EMILIN2: variants seen among roughly 807,000 people sequenced by gnomAD.
EMILIN2 encodes elastin microfibril interfacer 2.
In EMILIN2, 71 loss-of-function variants were observed where a neutral mutation model predicts 87.1. That is an observed-to-expected ratio of 0.82 (90% CI 0.67 to 0.99). The LOEUF (loss-of-function observed/expected upper bound fraction) is 0.99, where lower values mean the gene tolerates loss of function less well. EMILIN2 is among the 50% of genes least tolerant of loss of function. The probability of loss-of-function intolerance (pLI) is 0.00; values close to 1 mark genes in which losing one functional copy is unlikely to be tolerated. For missense variants in EMILIN2, 1,407 were observed against 1,371.8 expected (o/e 1.03, Z -0.40); for synonymous variants, 581 against 563.4 (o/e 1.03, Z -0.44).
chr18:2,868,261 C>T (rs1338583909), intron 2 of EMILIN2, among the ~76,000 whole-genome samples: 2 of 151,994 alleles, frequency 1.3e-5, no homozygotes, highest in South Asian at 2.1e-4. Context: ...CAGAGACGCT[C>T]CTCACTTCCT....
At chr18:2,878,629 A>G (rs2076761759) in intron 2 of EMILIN2, among the ~76,000 whole-genome samples, 1 of 152,204 alleles carries the variant, frequency 6.6e-6, no homozygotes, top group Non-Finnish European at 1.5e-5. Flanking sequence ...AACCCAACCC[A>G]GTCTGCCCTG....
chr18:2,849,491 T>G (rs934636213), intron 2 of EMILIN2, among the ~76,000 whole-genome samples: 3 of 152,184 alleles, frequency 2.0e-5, no homozygotes, highest in Admixed American at 6.5e-5. Flanking sequence ...AAAGGATGAT[T>G]TAATTGTTCT....
At chr18:2,873,797 A>G (rs1568463431) in intron 2 of EMILIN2, among the ~76,000 whole-genome samples, 1 of 152,188 alleles carries the variant, frequency 6.6e-6, no homozygotes, top group Non-Finnish European at 1.5e-5. Flanking sequence ...AAAAGTCTAT[A>G]TATGTGTCTC....
chr18:2,909,032 C>G, intron 6 of EMILIN2, 57 bp downstream of exon 6: 1 of 1,597,194 alleles, frequency 6.3e-7, no homozygotes, highest in Non-Finnish European at 8.6e-7. Flanking sequence ...GGCCTCTGCC[C>G]CTCCTCTGCA....
intron 2 of EMILIN2, among the ~76,000 whole-genome samples, chr18:2,871,947 G>T (rs1449103371): frequency 6.6e-6 from 1 of 151,950 alleles, no homozygotes; most frequent in Non-Finnish European, 1.5e-5. Flanking sequence ...TCAATGTCTG[G>T]GGGGCAAAAG....
chr18:2,867,938 C>A (rs370621062), intron 2 of EMILIN2, among the ~76,000 whole-genome samples: 3 of 151,582 alleles, frequency 2.0e-5, no homozygotes, highest in Middle Eastern at 3.4e-3. Context: ...CGGGCAGAGG[C>A]GCCCCTCACC....
chr18:2,860,818 C>A (rs1283509807), intron 2 of EMILIN2, among the ~76,000 whole-genome samples: 1 of 152,228 alleles, frequency 6.6e-6, no homozygotes, highest in Non-Finnish European at 1.5e-5. Context: ...GCCACACTGA[C>A]TTCCACAATG....
upstream of EMILIN2, chr18:2,846,812 G>T (rs2076576124): frequency 4.6e-5 from 45 of 985,308 alleles, no homozygotes; most frequent in South Asian, 1.7e-3. This position sits in a 1 kb window ranked among gnomAD's most constrained non-coding sequence, Gnocchi z 5.3. Flanking sequence ...ATGCTGTAAC[G>T]TAGACCCTTA....
chr18:2,903,261 G>A (rs1312181378), intron 4 of EMILIN2, among the ~76,000 whole-genome samples: 7 of 152,140 alleles, frequency 4.6e-5, no homozygotes, highest in African/African-American at 1.7e-4. Flanking sequence ...GTCCAGAGAG[G>A]AGGAAAGAAA....
At chr18:2,862,364 G>A (rs1423789290) in intron 2 of EMILIN2, among the ~76,000 whole-genome samples, 1 of 152,204 alleles carries the variant, frequency 6.6e-6, no homozygotes, top group Non-Finnish European at 1.5e-5. Context: ...GATATTTGCT[G>A]TGGGTTTGTC....
Position 2,847,998 on chromosome 18 carries a change from TG to T in EMILIN2, c.257+68del. ...CGGGGCGGTGGGGGTGGGGTGGGGT[TG>T]CTGCGCTGGGCTCCAGTCCCTCCGG... On this transcript the variant is annotated intron_variant, in intron 2 of 7. Transcript: ENST00000254528. The surrounding 1 kb of genome is among the most constrained non-coding windows in gnomAD (Gnocchi z 4.5). 1.3e-6 allele frequency: 2 copies of T among 1,483,574 alleles called. No individual in the cohort carries two copies. The highest frequency in any genetic ancestry group is 1.8e-6 in the Non-Finnish European group (2 of 1,114,470). The allele number at this position is 1,483,574 out of a possible 1,614,324, so 91.9% of individuals were successfully genotyped here.
In EMILIN2 at chr18:2,915,523, CTT is replaced by C. The variant is rs11334875; in HGVS notation, c.*2132_*2133del. The C allele has an allele frequency of 5.0e-4, 74 of 146,594 alleles. No homozygotes were observed. The highest frequency in any genetic ancestry group is 5.0e-4 in the Non-Finnish European group (33 of 66,384). The allele number at this position is 146,594 out of a possible 1,614,324, so 9.1% of individuals were successfully genotyped here. A position where few individuals can be genotyped will look rare whatever the true frequency, so the allele number is the denominator to read the frequency against. On this transcript the variant is annotated 3_prime_UTR_variant, in exon 8 of 8. Coordinates refer to ENST00000254528, the MANE Select transcript of EMILIN2 (RefSeq NM_032048.3). ...GACAGAATCAGGCACAAGTTCACAA[CTT>C]TTTTTTTTTTTTGGGGGGAGACAGT...
chr18:2,881,885 G>A lies in EMILIN2; in HGVS notation c.258-3079G>A, dbSNP rs546088442. ...CTCCTGCTAGGTGGTGGTGGGGACC[G>A]AGGGCTGGTGTGTACCTGGCCACGG... On this transcript the variant is annotated intron_variant, in intron 2 of 7. Coordinates refer to ENST00000254528, the MANE Select transcript of EMILIN2 (RefSeq NM_032048.3). Among the ~76,000 whole-genome samples, 6 of 152,338 alleles carry A rather than the reference G, an allele frequency of 3.9e-5. No homozygotes were observed. The South Asian group carries it at 6.2e-4, about 16-fold the overall frequency.
At position 2,909,745 on chromosome 18, in the gene EMILIN2, T is replaced by A. The variant is rs1180087969; in HGVS notation, c.2750T>A (p.Phe917Tyr). Residue 917 changes from phenylalanine to tyrosine, a missense_variant, in exon 7 of 8, where the codon TTC (phenylalanine) becomes TAC (tyrosine). Phe to Tyr is a conservative substitution (Grantham distance 22). Transcript: ENST00000254528. Reference sequence around the variant, plus strand: ...TCTGCGGGGCTCACCCAGAAGCCTTTCCCCAGTGATGGGGGCGTTGTCCTC... The same window carrying A: ...TCTGCGGGGCTCACCCAGAAGCCTTACCCCAGTGATGGGGGCGTTGTCCTC... Reference protein sequence around the residue: ...SFSAGLTQKPFPSDGGVVLFN... With the variant: ...SFSAGLTQKPYPSDGGVVLFN... 1 of 1,613,542 alleles carries A rather than the reference T, an allele frequency of 6.2e-7. No homozygotes were observed. Among genetic ancestry groups the A allele is most frequent in the Admixed American group, 1.7e-5 (1 of 59,812 alleles).
chr18:2,874,249 C>G lies in EMILIN2; in HGVS notation c.258-10715C>G, dbSNP rs147980081. On this transcript the variant is annotated intron_variant, in intron 2 of 7. Coordinates refer to ENST00000254528, the MANE Select transcript of EMILIN2 (RefSeq NM_032048.3). Reference sequence around the variant, plus strand: ...TGTTGTTTTTTTTAAGAGACAGTGTCTCATTATATTGCCCAGGCTGGTCTC... The same window carrying G: ...TGTTGTTTTTTTTAAGAGACAGTGTGTCATTATATTGCCCAGGCTGGTCTC... Among the ~76,000 whole-genome samples, 233 of 152,066 alleles carry G rather than the reference C, an allele frequency of 1.5e-3. 1 individual carries two copies. Among genetic ancestry groups the G allele is most frequent in the African/African-American group, 5.4e-3 (224 of 41,446 alleles).
chr18:2,846,950 G>A (rs1282589921), upstream of EMILIN2: 2 of 998,698 alleles, frequency 2.0e-6, no homozygotes, highest in African/African-American at 1.7e-5. The surrounding 1 kb of genome is among the most constrained non-coding windows in gnomAD (Gnocchi z 5.3). Context: ...GCGGCACCCG[G>A]GGGGACCTGT....
At chr18:2,899,336 A>G (rs953814996) in intron 4 of EMILIN2, among the ~76,000 whole-genome samples, 4 of 152,178 alleles carry the variant, frequency 2.6e-5, no homozygotes, top group Non-Finnish European at 4.4e-5. Flanking sequence ...CGCCACCAAT[A>G]GAAGTCAGCT....
At chr18:2,888,156 T>A (rs1189239678) in intron 3 of EMILIN2, among the ~76,000 whole-genome samples, 3 of 152,208 alleles carry the variant, frequency 2.0e-5, no homozygotes. Context: ...CCTGTTAAAT[T>A]TTTGCACTCA....
Position 2,847,400 on chromosome 18 carries a change from C to T in EMILIN2, c.134+78C>T. 1 of 1,222,270 alleles carries T rather than the reference C, an allele frequency of 8.2e-7. No homozygotes were observed. The highest frequency in any genetic ancestry group is 1.6e-5 in the African/African-American group (1 of 62,794). 75.7% of individuals were successfully genotyped at this position (1,222,270 alleles called of 1,614,324 possible). A position where few individuals can be genotyped will look rare whatever the true frequency, so the allele number is the denominator to read the frequency against. ...CAGTTGAGCCCCAGAGCTGCCCTGC[C>T]AAAGACGACGAGCGGCAGCCGGGGG... is the stretch of plus-strand genomic sequence containing the variant. On this transcript the variant is annotated intron_variant, in intron 1 of 7. Coordinates refer to ENST00000254528, the MANE Select transcript of EMILIN2 (RefSeq NM_032048.3). This position sits in a 1 kb window ranked among gnomAD's most constrained non-coding sequence, Gnocchi z 4.5.
Sources: gnomAD v4.1 joint callset for allele counts (sites outside exome capture counted in the v4.1 genomes callset) on GRCh38, gnomAD v4.1.1 for gene constraint, Gnocchi (gnomAD v3.1) non-coding constraint, MANE v1.5 for transcripts, NCBI Gene and HGNC (gene_info 2026-07-23, HGNC 2026-07-21) for gene names.